The following PTPRZ1 variants were observed in gnomAD, a reference collection of about 807,000 sequenced individuals.
PTPRZ1 encodes the protein receptor-type tyrosine-protein phosphatase zeta.
A neutral mutation model predicts 214.1 loss-of-function variants in PTPRZ1; 82 were observed. The ratio of observed to expected loss-of-function variants is 0.38; its 90% CI spans 0.32 to 0.46. The LOEUF (loss-of-function observed/expected upper bound fraction) is 0.46. Among genes scored for constraint, PTPRZ1 ranks in the 20% least tolerant of loss-of-function variants. PTPRZ1 has a pLI of 1.00. For missense variants in PTPRZ1, 2,603 were observed against 2,748.7 expected (o/e 0.95, Z 1.19); for synonymous variants, 945 against 987.9 (o/e 0.96, Z 0.81).
At chr7:121,898,012 A>T (rs773946302) in intron 1 of PTPRZ1, among the ~76,000 whole-genome samples, 1 of 152,214 alleles carries the variant, frequency 6.6e-6, no homozygotes, top group Non-Finnish European at 1.5e-5. Flanking sequence ...GCCCTCAGGA[A>T]GGAGGAAAAT....
intron 1 of PTPRZ1, among the ~76,000 whole-genome samples, chr7:121,912,406 C>T (rs1206487): frequency 0.68 from 103,377 of 152,076 alleles, 36,818 homozygotes; most frequent in African/African-American, 0.9. Flanking sequence ...TGAGCACTTA[C>T]TCTGTGTCTG....
At chr7:121,967,913 T>C (rs563498903) in intron 2 of PTPRZ1, 38 bp from the exon 3 acceptor site, 3 of 1,421,286 alleles carry the variant, frequency 2.1e-6, no homozygotes, top group African/African-American at 1.5e-5. Context: ...TGCATGGTAA[T>C]TTAAGAAACT....
chr7:121,982,295 C>T (rs900236710), intron 6 of PTPRZ1, among the ~76,000 whole-genome samples: 2 of 152,182 alleles, frequency 1.3e-5, no homozygotes, highest in African/African-American at 4.8e-5. Flanking sequence ...TTATATGTAA[C>T]AGTATGACAG....
chr7:122,044,377 G>T, intron 22 of PTPRZ1, 45 bp from the exon 23 acceptor site: 1 of 1,609,020 alleles, frequency 6.2e-7, no homozygotes, highest in South Asian at 1.1e-5. Context: ...AGATACATAT[G>T]AGGAAAACTT....
intron 1 of PTPRZ1, among the ~76,000 whole-genome samples, chr7:121,926,936 G>A (rs752538941): frequency 3.3e-5 from 5 of 152,100 alleles, no homozygotes; most frequent in Non-Finnish European, 7.4e-5. Context: ...TCCAAAGTAC[G>A]TTTTGGCTTT....
At position 121,935,124 on chromosome 7, in the gene PTPRZ1, T is replaced by A. The variant is rs139702899; in HGVS notation, c.124+6903T>A. On this transcript the variant is annotated intron_variant, in intron 2 of 29. Coordinates refer to ENST00000393386, the MANE Select transcript of PTPRZ1 (RefSeq NM_002851.3). Reference sequence around the variant, plus strand: ...TTGATCAAAAGATAAATAAATATGCTTAACAATTTTATTTGGTCGCAACTC... The same window carrying A: ...TTGATCAAAAGATAAATAAATATGCATAACAATTTTATTTGGTCGCAACTC... 7.9e-5 allele frequency among the ~76,000 whole-genome samples: 12 copies of A among 152,350 alleles called. 1 individual carries two copies. The highest frequency in any genetic ancestry group is 2.9e-4 in the African/African-American group (12 of 41,578).
At chr7:122,057,400 A>G (rs914385826) in intron 27 of PTPRZ1, among the ~76,000 whole-genome samples, 1 of 151,778 alleles carries the variant, frequency 6.6e-6, no homozygotes, top group African/African-American at 2.4e-5. Flanking sequence ...ATATTTTTAC[A>G]TACAATATGT....
intron 17 of PTPRZ1, among the ~76,000 whole-genome samples, chr7:122,035,231 T>C (rs1799500795): frequency 6.6e-6 from 1 of 152,204 alleles, no homozygotes; most frequent in Non-Finnish European, 1.5e-5. Flanking sequence ...GGAGCTGCAC[T>C]CTTCTCCCTG....
chr7:121,957,572 A>G (rs1205302342), intron 2 of PTPRZ1, among the ~76,000 whole-genome samples: 6 of 152,234 alleles, frequency 3.9e-5, no homozygotes. Flanking sequence ...CCTCCCTTGC[A>G]GTGAATGATA....
At chr7:121,905,124 A>G (rs1178101750) in intron 1 of PTPRZ1, among the ~76,000 whole-genome samples, 2 of 152,214 alleles carry the variant, frequency 1.3e-5, no homozygotes, top group Admixed American at 6.5e-5. Flanking sequence ...CAAAGAAACT[A>G]TAGATAATTT....
chr7:121,890,214 A>C (rs1430593313), intron 1 of PTPRZ1, among the ~76,000 whole-genome samples: 2 of 152,154 alleles, frequency 1.3e-5, no homozygotes, highest in African/African-American at 4.8e-5. Flanking sequence ...CAAACTTGAC[A>C]TGTTCAAACT....
chr7:121,947,208 A>G (rs1308861612), intron 2 of PTPRZ1, among the ~76,000 whole-genome samples: 1 of 151,744 alleles, frequency 6.6e-6, no homozygotes, highest in East Asian at 1.9e-4. Flanking sequence ...GTGGTTCAAG[A>G]AAAAAAAGTC....
intron 2 of PTPRZ1, among the ~76,000 whole-genome samples, chr7:121,958,256 A>C (rs1489443035): frequency 3.3e-5 from 5 of 152,332 alleles, no homozygotes; most frequent in Admixed American, 2.0e-4. Context: ...GAGTTGGGAA[A>C]TAACCAAATC....
intron 3 of PTPRZ1, among the ~76,000 whole-genome samples, chr7:121,970,298 T>A (rs1797197914): frequency 6.6e-6 from 1 of 152,146 alleles, no homozygotes; most frequent in Non-Finnish European, 1.5e-5. Context: ...ATGATTTATA[T>A]TCCTTTGGGT....
intron 8 of PTPRZ1, among the ~76,000 whole-genome samples, chr7:121,994,029 AAGG>A (rs1444397231): frequency 6.6e-6 from 1 of 152,164 alleles, no homozygotes; most frequent in African/African-American, 2.4e-5. Flanking sequence ...ACAGATTTAC[AAGG>A]AGGAGAACAA....
intron 9 of PTPRZ1, 70 bp from the exon 10 acceptor site, chr7:121,997,810 G>C: frequency 7.2e-7 from 1 of 1,395,604 alleles, no homozygotes; most frequent in South Asian, 1.4e-5. Context: ...AGTTTTCTAG[G>C]AAAGATACCT....
Position 122,013,343 on chromosome 7 carries a change from G to A in PTPRZ1, c.4297G>A (p.Gly1433Ser). Residue 1433 changes from glycine to serine, a missense_variant, in exon 12 of 30, where the codon GGT (glycine) becomes AGT (serine). By Grantham distance (56) the Gly-to-Ser change is moderately conservative. Around this residue, in one of 6 missense-constraint regions of PTPRZ1, gnomAD observed 1,913 missense variants for 1,914.3 expected, o/e 1.00. Coordinates refer to ENST00000393386, the MANE Select transcript of PTPRZ1 (RefSeq NM_002851.3). ...DDGDDDDDDR[G>S]SDGLSIHKCM... is the part of the protein sequence containing the mutation. ...TGGTGATGATGATGATGATGACAGA[G>A]GTAGTGATGGCTTATCCATTCATAA... is the stretch of plus-strand genomic sequence containing the variant. The A allele has an allele frequency of 6.2e-7, 1 of 1,612,130 alleles. No homozygotes were observed. The highest frequency in any genetic ancestry group is 1.1e-5 in the South Asian group (1 of 90,970).
intron 14 of PTPRZ1, among the ~76,000 whole-genome samples, chr7:122,031,199 A>G (rs941433572): frequency 3.9e-5 from 6 of 152,062 alleles, no homozygotes; most frequent in Non-Finnish European, 8.8e-5. Context: ...GAGTGGGGCT[A>G]TGGTGGTATT....
chr7:121,906,935 G>A (rs930469781), intron 1 of PTPRZ1, among the ~76,000 whole-genome samples: 40 of 149,126 alleles, frequency 2.7e-4, no homozygotes, highest in African/African-American at 9.2e-4. Context: ...TGACAGTGAT[G>A]TAATGGTATA....
Sources: gnomAD v4.1 joint callset for allele counts (sites outside exome capture counted in the v4.1 genomes callset) on GRCh38, gnomAD v4.1.1 for gene constraint, gnomAD v4.1.1 regional missense constraint, MANE v1.5 for transcripts, NCBI Gene and HGNC (gene_info 2026-07-23, HGNC 2026-07-21) for gene names.